TAFA5: variants seen among roughly 807,000 people sequenced by gnomAD.
TAFA5 encodes chemokine-like protein TAFA-5.
A neutral mutation model predicts 15.3 loss-of-function variants in TAFA5; 6 were observed. The observed-to-expected ratio is 0.39, with a 90% CI of 0.21 to 0.77. TAFA5 has a LOEUF of 0.77. Ranked by LOEUF, TAFA5 falls within the 30% of genes least tolerant of loss-of-function variation. The pLI is 0.41. For synonymous variants in TAFA5, 103 were observed against 80.7 expected (o/e 1.28, Z -1.48); for missense variants, 161 against 193.1 (o/e 0.83, Z 0.98).
At chr22:48,500,277 G>A (rs1362369700) in intron 1 of TAFA5, among the ~76,000 whole-genome samples, 1 of 152,152 alleles carries the variant, frequency 6.6e-6, no homozygotes, top group East Asian at 1.9e-4. Flanking sequence ...CCACTCCCCT[G>A]TCCCTGACCA....
intron 3 of TAFA5, among the ~76,000 whole-genome samples, chr22:48,714,725 T>C (rs1929351975): frequency 6.6e-6 from 1 of 152,202 alleles, no homozygotes; most frequent in Admixed American, 6.5e-5. Context: ...TGCCTGTGTG[T>C]CCTGCGGCCA....
intron 2 of TAFA5, among the ~76,000 whole-genome samples, chr22:48,696,518 C>T (rs1479232537): frequency 6.6e-6 from 1 of 152,212 alleles, no homozygotes; most frequent in African/African-American, 2.4e-5. Context: ...AGCACTTCCT[C>T]TTTGACCTGC....
At chr22:48,508,956 C>G (rs539141001) in intron 1 of TAFA5, among the ~76,000 whole-genome samples, 20 of 152,232 alleles carry the variant, frequency 1.3e-4, no homozygotes, top group Non-Finnish European at 2.6e-4. Flanking sequence ...TAGCCAACCT[C>G]TCCCTAGCCT....
At chr22:48,527,157 G>C (rs914595360) in intron 1 of TAFA5, among the ~76,000 whole-genome samples, 1 of 152,258 alleles carries the variant, frequency 6.6e-6, no homozygotes, top group Non-Finnish European at 1.5e-5. Flanking sequence ...CAGGCCATGT[G>C]GTTCACCCTC....
intron 1 of TAFA5, among the ~76,000 whole-genome samples, chr22:48,553,692 G>A (rs1601575015): frequency 6.6e-6 from 1 of 152,230 alleles, no homozygotes; most frequent in Non-Finnish European, 1.5e-5. Context: ...CCGTGGTGCA[G>A]GCCCGTCTGC....
intron 1 of TAFA5, among the ~76,000 whole-genome samples, chr22:48,503,948 C>A (rs1240493120): frequency 6.6e-6 from 1 of 152,156 alleles, no homozygotes; most frequent in Non-Finnish European, 1.5e-5. Context: ...GGATTGTCAC[C>A]CAGGACCACA....
intron 1 of TAFA5, among the ~76,000 whole-genome samples, chr22:48,519,485 C>G (rs780649380): frequency 6.6e-6 from 1 of 152,194 alleles, no homozygotes; most frequent in Non-Finnish European, 1.5e-5. Context: ...GTCTTCTCTG[C>G]CATCCCAGGC....
At chr22:48,659,392 G>T (rs959901855) in intron 2 of TAFA5, among the ~76,000 whole-genome samples, 2 of 152,356 alleles carry the variant, frequency 1.3e-5, no homozygotes, top group Non-Finnish European at 2.9e-5. Context: ...AAGACAGGAG[G>T]CAGAGAGGCT....
intron 2 of TAFA5, among the ~76,000 whole-genome samples, chr22:48,646,962 G>A (rs1926890962): frequency 6.6e-6 from 1 of 152,300 alleles, no homozygotes; most frequent in East Asian, 1.9e-4. Context: ...TGGGGGAGTG[G>A]TCGGGGAGAT....
chr22:48,657,104 C>T (rs972249846), intron 2 of TAFA5, among the ~76,000 whole-genome samples: 2 of 151,896 alleles, frequency 1.3e-5, no homozygotes, highest in African/African-American at 4.8e-5. Flanking sequence ...ATGAAATTGA[C>T]AAATCTCTAG....
chr22:48,660,752 T>A (rs1927408392), intron 2 of TAFA5, among the ~76,000 whole-genome samples: 1 of 152,154 alleles, frequency 6.6e-6, no homozygotes, highest in African/African-American at 2.4e-5. Flanking sequence ...CGCGTGGCCC[T>A]CTCCCAGGCC....
chr22:48,606,522 G>A, intron 1 of TAFA5, among the ~76,000 whole-genome samples: 1 of 152,232 alleles, frequency 6.6e-6, no homozygotes. Context: ...GAGGATTTGG[G>A]GAAATGAGGA....
intron 3 of TAFA5, among the ~76,000 whole-genome samples, chr22:48,711,328 C>T (rs952814243): frequency 4.6e-5 from 7 of 151,422 alleles, no homozygotes; most frequent in South Asian, 2.1e-4. Flanking sequence ...GTTGCTATGG[C>T]GGGGGCACCT....
intron 3 of TAFA5, among the ~76,000 whole-genome samples, chr22:48,713,943 C>T (rs1264972709): frequency 6.6e-6 from 1 of 152,270 alleles, no homozygotes; most frequent in African/African-American, 2.4e-5. Context: ...CTAGGACCTA[C>T]CCTGCCTCAG....
chr22:48,677,072 A>G (rs773806598), intron 2 of TAFA5, among the ~76,000 whole-genome samples: 3 of 152,224 alleles, frequency 2.0e-5, no homozygotes, highest in Non-Finnish European at 2.9e-5. Flanking sequence ...CCCCAGAGCC[A>G]CCCATATAAA....
intron 1 of TAFA5, among the ~76,000 whole-genome samples, chr22:48,563,670 T>C (rs1923315070): frequency 1.3e-5 from 2 of 152,272 alleles, no homozygotes; most frequent in South Asian, 4.1e-4. Context: ...GGGCATGGCC[T>C]CCTCCCTCTG....
chr22:48,588,719 C>T (rs1482050416), intron 1 of TAFA5, among the ~76,000 whole-genome samples: 3 of 152,284 alleles, frequency 2.0e-5, no homozygotes, highest in East Asian at 1.9e-4. Context: ...AGGGCAGGGC[C>T]TGGAGGTTCT....
chr22:48,491,889 G>A (rs1928166138), intron 1 of TAFA5, among the ~76,000 whole-genome samples: 1 of 152,204 alleles, frequency 6.6e-6, no homozygotes, highest in South Asian at 2.1e-4. Flanking sequence ...CTTTCGCCAG[G>A]ACAAGGACAA....
chr22:48,726,910 C>T (rs1601701445), intron 3 of TAFA5, among the ~76,000 whole-genome samples: 1 of 152,186 alleles, frequency 6.6e-6, no homozygotes, highest in Admixed American at 6.5e-5. Context: ...AGATGTTCCT[C>T]ATAGACAAGG....
Sources: gnomAD v4.1 joint callset for allele counts (sites outside exome capture counted in the v4.1 genomes callset) on GRCh38, gnomAD v4.1.1 for gene constraint, MANE v1.5 for transcripts, NCBI Gene and HGNC (gene_info 2026-07-23, HGNC 2026-07-21) for gene names.